The following MAP3K7 variants were observed in gnomAD, a reference collection of about 807,000 sequenced individuals.
MAP3K7 encodes TGF-beta activated kinase 1.
In MAP3K7, 21 loss-of-function variants were observed where a neutral mutation model predicts 84.8. The observed-to-expected ratio is 0.25, with a 90% CI of 0.18 to 0.36. The LOEUF is 0.36. Among genes scored for constraint, MAP3K7 ranks in the 10% least tolerant of loss-of-function variants. MAP3K7 has a pLI of 1.00. For missense variants in MAP3K7, 503 were observed against 747.7 expected (o/e 0.67, Z 3.82); for synonymous variants, 241 against 247.7 (o/e 0.97, Z 0.25).
At chr6:90,520,812 G>A (rs546169957) in intron 14 of MAP3K7, among the ~76,000 whole-genome samples, 23 of 151,964 alleles carry the variant, frequency 1.5e-4, no homozygotes, top group African/African-American at 5.5e-4. Flanking sequence ...TTCAAACTAC[G>A]CTCCCACATA....
intron 1 of MAP3K7, among the ~76,000 whole-genome samples, chr6:90,575,879 C>T (rs892861096): frequency 3.3e-5 from 5 of 152,012 alleles, no homozygotes; most frequent in African/African-American, 1.2e-4. Flanking sequence ...CTACATCCAG[C>T]TACTGTTTGG....
chr6:90,518,673 T>A, intron 15 of MAP3K7, 111 bp from the exon 16 acceptor site: 1 of 656,744 alleles, frequency 1.5e-6, no homozygotes. Context: ...AAAGCAATGA[T>A]CTTTTAAAAA....
intron 12 of MAP3K7, among the ~76,000 whole-genome samples, chr6:90,543,152 G>C (rs990048371): frequency 9.2e-5 from 14 of 151,930 alleles, no homozygotes; most frequent in African/African-American, 3.4e-4. Flanking sequence ...GTACCTTTCC[G>C]CATGGAGGTA....
chr6:90,582,928 G>A (rs1483029709), intron 1 of MAP3K7, among the ~76,000 whole-genome samples: 2 of 148,088 alleles, frequency 1.4e-5, no homozygotes, highest in African/African-American at 5.0e-5. Flanking sequence ...TGTTGTCCAG[G>A]CTAGGGTGCG....
intron 5 of MAP3K7, among the ~76,000 whole-genome samples, chr6:90,558,342 T>C (rs574744855): frequency 6.6e-6 from 1 of 151,456 alleles, no homozygotes; most frequent in South Asian, 2.1e-4. Flanking sequence ...ATAATAATAA[T>C]AATAAAAATA....
chr6:90,528,971 C>T (rs1156377814), intron 13 of MAP3K7, among the ~76,000 whole-genome samples: 1 of 152,092 alleles, frequency 6.6e-6, no homozygotes, highest in Non-Finnish European at 1.5e-5. Context: ...CTTGTTAATC[C>T]TTCCCCACCC....
At chr6:90,523,316 C>T (rs553382608) in intron 14 of MAP3K7, among the ~76,000 whole-genome samples, 1 of 150,990 alleles carries the variant, frequency 6.6e-6, no homozygotes, top group African/African-American at 2.4e-5. Flanking sequence ...TACCATTCTC[C>T]GATTTTGGTT....
chr6:90,523,674 T>C lies in MAP3K7; in HGVS notation c.1462+4A>G. 6.3e-7 allele frequency: 1 copy of C among 1,596,754 alleles called. No individual in the cohort carries two copies. Among genetic ancestry groups the C allele is most frequent in the South Asian group, 1.1e-5 (1 of 90,616 alleles). On this transcript the variant is annotated splice_donor_region_variant and intron_variant, in intron 14 of 16. Coordinates refer to ENST00000369329, the MANE Select transcript of MAP3K7 (RefSeq NM_145331.3). Reference sequence around the variant, plus strand: ...TCATAAGTATGAAGAAACAGACTGGTCACCTGTGGAATCATCAGGGGTCCA... The same window carrying C: ...TCATAAGTATGAAGAAACAGACTGGCCACCTGTGGAATCATCAGGGGTCCA...
chr6:90,565,341 G>A (rs1776666495), intron 3 of MAP3K7, among the ~76,000 whole-genome samples: 1 of 151,990 alleles, frequency 6.6e-6, no homozygotes, highest in Admixed American at 6.6e-5. Flanking sequence ...AGAAAAGAGA[G>A]AAGAATCAAA....
At chr6:90,550,713 T>C (rs1053432747) in intron 8 of MAP3K7, 164 bp from the exon 9 acceptor site, 51 of 498,900 alleles carry the variant, frequency 1.0e-4, no homozygotes, top group Non-Finnish European at 1.6e-4. Flanking sequence ...CTTTGATCAA[T>C]GCCATGCACC....
At chr6:90,577,625 C>CA (rs1272815358) in intron 1 of MAP3K7, among the ~76,000 whole-genome samples, 1 of 152,092 alleles carries the variant, frequency 6.6e-6, no homozygotes, top group African/African-American at 2.4e-5. Flanking sequence ...AGGAGAGAGT[C>CA]AGAGAAGCCA....
At chr6:90,563,753 AG>A (rs1421805499) in intron 3 of MAP3K7, among the ~76,000 whole-genome samples, 2 of 152,214 alleles carry the variant, frequency 1.3e-5, no homozygotes, top group Non-Finnish European at 2.9e-5. Context: ...AGCAACTCCA[AG>A]ATACATAATC....
chr6:90,544,634 T>C lies in MAP3K7; in HGVS notation c.1211-2A>G. On this transcript the variant is annotated splice_acceptor_variant, in intron 11 of 16. Transcript: ENST00000369329. LOFTEE classifies it high-confidence loss of function. ...GGCCCCGTTTAGGCTTGGAATAGGC[T>C]GCAAAAACACATATATACAGTATAC... The C allele has an allele frequency of 6.2e-7, 1 of 1,611,836 alleles. No homozygotes were observed. The highest frequency in any genetic ancestry group is 8.5e-7 in the Non-Finnish European group (1 of 1,178,392).
chr6:90,521,423 T>C (rs1418347272), intron 14 of MAP3K7, among the ~76,000 whole-genome samples: 2 of 152,062 alleles, frequency 1.3e-5, no homozygotes, highest in African/African-American at 4.8e-5. Flanking sequence ...TGAGTATGCA[T>C]TCCCTTCAGT....
rs1776060688 is a variant in MAP3K7, at chr6:90,548,072, A to C, written c.1055T>G (p.Leu352Trp). 1 of 1,610,670 alleles carries C rather than the reference A, an allele frequency of 6.2e-7. No homozygotes were observed. Among genetic ancestry groups the C allele is most frequent in the Non-Finnish European group, 8.5e-7 (1 of 1,178,642 alleles). Residue 352 changes from leucine to tryptophan, a missense_variant, in exon 10 of 17, where the codon TTG (leucine) becomes TGG (tryptophan). Leu to Trp is a moderately conservative substitution (Grantham distance 61, BLOSUM62 -2). Transcript: ENST00000369329. ...NDTIKRLESK[L>W]LKNQAKQQSE... The stretch of plus-strand genomic sequence containing the variant: ...CTGTTGCTTTGCCTGATTTTTCAAC[A>C]ATTTTGATTCTAAGCGCTTAATAGT...
chr6:90,542,802 C>T (rs1169972748), intron 12 of MAP3K7, among the ~76,000 whole-genome samples: 1 of 151,824 alleles, frequency 6.6e-6, no homozygotes, highest in Non-Finnish European at 1.5e-5. Context: ...GGTTTTCAGC[C>T]TCAGCACTGC....
intron 14 of MAP3K7, among the ~76,000 whole-genome samples, chr6:90,519,579 T>C (rs992508501): frequency 2.6e-5 from 4 of 152,002 alleles, no homozygotes; most frequent in African/African-American, 9.7e-5. Flanking sequence ...CACAATATAT[T>C]AGAGCTTCTA....
chr6:90,587,069 CG>C lies in MAP3K7; in HGVS notation c.-187del. 6.5e-6 allele frequency: 4 copies of C among 612,426 alleles called. No homozygotes were observed. In the South Asian group the frequency reaches 1.1e-4, roughly 17 times the overall value. The allele number at this position is 612,426 out of a possible 1,614,324, so 37.9% of individuals were successfully genotyped here. A position where few individuals can be genotyped will look rare whatever the true frequency, so the allele number is the denominator to read the frequency against. ...CCGGCTCTGGCTCCGCTGCGTTTTC[CG>C]CCGACGGGCCCCGCCCACTACACTT... is the stretch of plus-strand genomic sequence containing the variant. On this transcript the variant is annotated 5_prime_UTR_variant, in exon 1 of 17. Transcript: ENST00000369329.
intron 1 of MAP3K7, among the ~76,000 whole-genome samples, chr6:90,577,416 C>G (rs765616510): frequency 6.6e-6 from 1 of 152,034 alleles, no homozygotes; most frequent in African/African-American, 2.4e-5. Context: ...AGAAGTCAGA[C>G]AAAGAGATAC....
Sources: allele counts gnomAD v4.1 joint callset (sites outside exome capture counted in the v4.1 genomes callset), GRCh38; gene constraint gnomAD v4.1.1; transcripts MANE v1.5; gene names NCBI Gene and HGNC (gene_info 2026-07-23, HGNC 2026-07-21).